The following SSTR4 variants were observed in gnomAD, a reference collection of about 807,000 sequenced individuals.
SSTR4 encodes the protein somatostatin receptor type 4.
For missense variants in SSTR4, 649 were observed against 540.6 expected (o/e 1.20, Z -1.99); for synonymous variants, 272 against 246.3 (o/e 1.10, Z -0.98).
chr20:23,035,472 G>T lies in SSTR4; in HGVS notation c.-12G>T, dbSNP rs1310334127. 4 of 1,465,722 alleles carry T rather than the reference G, an allele frequency of 2.7e-6. No homozygotes were observed. The African/African-American group carries it at 5.9e-5, about 22-fold the overall frequency. 90.8% of individuals were successfully genotyped at this position (1,465,722 alleles called of 1,614,324 possible). A position where few individuals can be genotyped will look rare whatever the true frequency, so the allele number is the denominator to read the frequency against. On this transcript the variant is annotated 5_prime_UTR_variant, in exon 1 of 1. Coordinates refer to ENST00000255008, the MANE Select transcript of SSTR4 (RefSeq NM_001052.4). ...CGCCGCGCTCAGCTGCCCTGCGCCG[G>T]CACCCCTGGTCATGAGCGCCCCCTC...
rs773738594 is a variant in SSTR4 at position 23,036,654 on chromosome 20, G to A, written c.*4G>A. On this transcript the variant is annotated 3_prime_UTR_variant, in exon 1 of 1. Transcript: ENST00000255008. ...CACCAGGACCACCACCTTCTGAGGA[G>A]CCCTTCCCCTACCCACCCTGCGTGG... The A allele has an allele frequency of 1.3e-6, 2 of 1,535,318 alleles. No homozygotes were observed. Among genetic ancestry groups the A allele is most frequent in the Non-Finnish European group, 1.8e-6 (2 of 1,142,718 alleles).
chr20:23,037,937 C>T lies in SSTR4; in HGVS notation c.*1287C>T, dbSNP rs1984371951. ...GACAGCCAAAGGTCAACACCCTATGCCCTTCAGAGTGGTCAGCCTCACAGA... is the reference window on the plus strand; with the variant it reads ...GACAGCCAAAGGTCAACACCCTATGTCCTTCAGAGTGGTCAGCCTCACAGA... On this transcript the variant is annotated 3_prime_UTR_variant, in exon 1 of 1. Transcript: ENST00000255008. 6.6e-6 allele frequency among the ~76,000 whole-genome samples: 1 copy of T among 152,112 alleles called. No individual in the cohort carries two copies. Among genetic ancestry groups the T allele is most frequent in the Non-Finnish European group, 1.5e-5 (1 of 68,024 alleles).
chr20:23,036,304 C>T lies in SSTR4; in HGVS notation c.821C>T (p.Pro274Leu). 6.2e-7 allele frequency: 1 copy of T among 1,614,156 alleles called. No individual in the cohort carries two copies. Among genetic ancestry groups the T allele is most frequent in the Non-Finnish European group, 8.5e-7 (1 of 1,180,018 alleles). Reference protein sequence around the residue: ...VVVVFVLCWMPFYVVQLLNLF... With the variant: ...VVVVFVLCWMLFYVVQLLNLF... The stretch of plus-strand genomic sequence containing the variant: ...GTCGTCTTTGTGCTCTGCTGGATGC[C>T]TTTCTACGTGGTGCAGCTGCTGAAC... Residue 274 changes from proline to leucine, a missense_variant, in exon 1 of 1, where the codon CCT becomes CTT. By Grantham distance (98) the Pro-to-Leu change is moderately conservative. Coordinates refer to ENST00000255008, the MANE Select transcript of SSTR4 (RefSeq NM_001052.4).
rs1184339639 is a variant in SSTR4, at chr20:23,036,265, T to A, written c.782T>A (p.Val261Glu). 2 of 1,614,194 alleles carry A rather than the reference T, an allele frequency of 1.2e-6. No homozygotes were observed. The highest frequency in any genetic ancestry group is 2.2e-5 in the South Asian group (2 of 91,082). ...RRSEKKITRLVLMVVVVFVLC... is the reference protein window; with the variant it reads ...RRSEKKITRLELMVVVVFVLC... ...TCGGAGAAGAAAATCACCAGGCTGG[T>A]GCTGATGGTCGTGGTCGTCTTTGTG... is the stretch of plus-strand genomic sequence containing the variant. The change falls in exon 1 of 1, where the codon GTG becomes GAG. Residue 261 changes from valine (V) to glutamate (E), a missense_variant. Coordinates refer to ENST00000255008, the MANE Select transcript of SSTR4 (RefSeq NM_001052.4).
Position 23,035,522 on chromosome 20 carries a change from A to T in SSTR4, c.39A>T (p.Glu13Asp). The T allele has an allele frequency of 6.4e-7, 1 of 1,573,252 alleles. No individual in the cohort carries two copies. The highest frequency in any genetic ancestry group is 8.6e-7 in the Non-Finnish European group (1 of 1,164,592). The change falls in exon 1 of 1, where the codon GAA becomes GAT. Residue 13 changes from glutamate to aspartate, a missense_variant. Transcript: ENST00000255008. ...APSTLPPGGEEGLGTAWPSAA... is the reference protein window; with the variant it reads ...APSTLPPGGEDGLGTAWPSAA... ...CGACGCTGCCCCCCGGGGGCGAGGA[A>T]GGGCTGGGGACGGCCTGGCCCTCTG... is the stretch of plus-strand genomic sequence containing the variant.
In SSTR4 at chr20:23,035,795, C is replaced by A. The variant is rs1043802997; in HGVS notation, c.312C>A (p.Ala104=). 3 of 1,593,364 alleles carry A rather than the reference C, an allele frequency of 1.9e-6. No homozygotes were observed. Among genetic ancestry groups the A allele is most frequent in the Non-Finnish European group, 2.6e-6 (3 of 1,168,918 alleles). The change falls in exon 1 of 1, where the codon GCC becomes GCA. Residue 104 remains alanine, a synonymous_variant. Transcript: ENST00000255008. ...ELFMLSVPFV[A]SSAALRHWPF... The stretch of plus-strand genomic sequence containing the variant: ...TCATGCTGAGCGTGCCCTTCGTGGC[C>A]TCGTCGGCCGCCCTGCGCCACTGGC...
At position 23,036,141 on chromosome 20, in the gene SSTR4, T is replaced by C. The variant is rs750197512; in HGVS notation, c.658T>C (p.Phe220Leu). The change falls in exon 1 of 1, where the codon TTC (phenylalanine) becomes CTC (leucine). Residue 220 changes from phenylalanine (F) to leucine (L), a missense_variant. Physicochemically the swap from Phe to Leu is conservative, Grantham distance 22. Transcript: ENST00000255008. ...CGTGGTCTACACTTTCCTGCTGGGC[T>C]TCCTGCTGCCCGTGCTGGCCATTGG... is the stretch of plus-strand genomic sequence containing the variant. ...VFVVYTFLLG[F>L]LLPVLAIGLC... 13 of 1,607,342 alleles carry C rather than the reference T, an allele frequency of 8.1e-6. No homozygotes were observed. Among genetic ancestry groups the C allele is most frequent in the Non-Finnish European group, 1.1e-5 (13 of 1,179,762 alleles).
chr20:23,038,735 C>T lies in SSTR4; in HGVS notation c.*2085C>T, dbSNP rs568684117. On this transcript the variant is annotated 3_prime_UTR_variant, in exon 1 of 1. Transcript: ENST00000255008. ...CATTGGCAGAGACACCGTGGAGACA[C>T]GCGAATCAAATGGTGGGAGGGCAGG... Among the ~76,000 whole-genome samples, 13 of 152,174 alleles carry T rather than the reference C, an allele frequency of 8.5e-5. No individual in the cohort carries two copies. The highest frequency in any genetic ancestry group is 1.2e-4 in the Non-Finnish European group (8 of 68,040).
rs948828488 is a variant in SSTR4, at chr20:23,038,847, C to T, written c.*2197C>T. 1 of 152,394 alleles carries T rather than the reference C, an allele frequency of 6.6e-6. No individual in the cohort carries two copies. The highest frequency in any genetic ancestry group is 1.9e-4 in the East Asian group (1 of 5,176). The allele number at this position is 152,394 out of a possible 1,614,324, so 9.4% of individuals were successfully genotyped here. A position where few individuals can be genotyped will look rare whatever the true frequency, so the allele number is the denominator to read the frequency against. On this transcript the variant is annotated 3_prime_UTR_variant, in exon 1 of 1. Transcript: ENST00000255008. ...TGCCCTTGACCCTGCAGTCATAAGT[C>T]ATGCAGGTGGTGGCGGGGTGGGGGT...
rs777175725 is a variant in SSTR4 at position 23,035,978 on chromosome 20, C to T, written c.495C>T (p.Leu165=). 3 of 1,605,418 alleles carry T rather than the reference C, an allele frequency of 1.9e-6. No homozygotes were observed. Among genetic ancestry groups the T allele is most frequent in the Admixed American group, 1.7e-5 (1 of 59,644 alleles). ...ACCGGCGGCCCAGCGTGGCCAAGCT[C>T]ATCAACCTGGGCGTGTGGCTGGCAT... The part of the protein sequence containing the change: ...ATYRRPSVAK[L]INLGVWLASL... The change falls in exon 1 of 1, where the codon CTC becomes CTT. Residue 165 remains leucine, a synonymous_variant. Transcript: ENST00000255008.
In SSTR4 at chr20:23,036,012, G is replaced by T. The variant is rs1401942335; in HGVS notation, c.529G>T (p.Val177Phe). ...NLGVWLASLL[V>F]TLPIAIFADT... ...GGGCGTGTGGCTGGCATCCCTGTTG[G>T]TCACTCTCCCCATCGCCATCTTCGC... Residue 177 changes from valine (V) to phenylalanine (F), a missense_variant, in exon 1 of 1, where the codon GTC (valine) becomes TTC (phenylalanine). Transcript: ENST00000255008. 1 of 1,594,626 alleles carries T rather than the reference G, an allele frequency of 6.3e-7. No individual in the cohort carries two copies. The highest frequency in any genetic ancestry group is 8.5e-7 in the Non-Finnish European group (1 of 1,175,050).
chr20:23,035,766 C>T lies in SSTR4; in HGVS notation c.283C>T (p.Leu95Phe), dbSNP rs1984290016. ...YLLNLAVADE[L>F]FMLSVPFVAS... ...GCTCAACCTGGCCGTAGCCGACGAG[C>T]TCTTCATGCTGAGCGTGCCCTTCGT... is the stretch of plus-strand genomic sequence containing the variant. Residue 95 changes from leucine to phenylalanine, a missense_variant, in exon 1 of 1, where the codon CTC (leucine) becomes TTC (phenylalanine). By Grantham distance (22) the Leu-to-Phe change is conservative (BLOSUM62 0). Coordinates refer to ENST00000255008, the MANE Select transcript of SSTR4 (RefSeq NM_001052.4). 14 of 1,593,550 alleles carry T rather than the reference C, an allele frequency of 8.8e-6. No homozygotes were observed. The highest frequency in any genetic ancestry group is 2.3e-5 in the South Asian group (2 of 88,088).
rs774136677 is a variant in SSTR4 at position 23,035,596 on chromosome 20, G to A, written c.113G>A (p.Gly38Glu). The stretch of plus-strand genomic sequence containing the variant: ...GCGGAGGCGGAGGAGGCGGTGGCGG[G>A]GCCCGGGGACGCGCGGGCGGCGGGC... The part of the protein sequence containing the change: ...APAEAEEAVA[G>E]PGDARAAGMV... The change falls in exon 1 of 1, where the codon GGG becomes GAG. Residue 38 changes from glycine (G) to glutamate (E), a missense_variant. Physicochemically the swap from Gly to Glu is moderately conservative, Grantham distance 98. Coordinates refer to ENST00000255008, the MANE Select transcript of SSTR4 (RefSeq NM_001052.4). The A allele has an allele frequency of 6.4e-7, 1 of 1,558,874 alleles. No individual in the cohort carries two copies. The highest frequency in any genetic ancestry group is 8.6e-7 in the Non-Finnish European group (1 of 1,157,324).
rs1984338824 is a variant in SSTR4, at chr20:23,036,700, A to G, written c.*50A>G. 2 of 1,511,040 alleles carry G rather than the reference A, an allele frequency of 1.3e-6. No individual in the cohort carries two copies. Among genetic ancestry groups the G allele is most frequent in the South Asian group, 2.7e-5 (2 of 75,078 alleles). 93.6% of individuals were successfully genotyped at this position (1,511,040 alleles called of 1,614,324 possible). ...CGTGGCCACCTCCCAAGGGGTGGGC[A>G]CCATTCCTACAGCCCCGAAGACTGC... is the stretch of plus-strand genomic sequence containing the variant. On this transcript the variant is annotated 3_prime_UTR_variant, in exon 1 of 1. Transcript: ENST00000255008.
rs36016048 is a variant in SSTR4, at chr20:23,038,418, T to G, written c.*1768T>G. On this transcript the variant is annotated 3_prime_UTR_variant, in exon 1 of 1. Coordinates refer to ENST00000255008, the MANE Select transcript of SSTR4 (RefSeq NM_001052.4). ...TGATCAGACTGGGCAAACTCTCTGA[T>G]AAGCAAGACAGGGCACCTACCAGGA... The G allele has an allele frequency of 0.33, 50,178 of 151,978 alleles. 8,554 individuals are homozygous for G. Among genetic ancestry groups the G allele is most frequent in the Middle Eastern group, 0.48 (140 of 292 alleles). 9.4% of individuals were successfully genotyped at this position (151,978 alleles called of 1,614,324 possible). A position where few individuals can be genotyped will look rare whatever the true frequency, so the allele number is the denominator to read the frequency against.
Position 23,039,072 on chromosome 20 carries a change from T to C in SSTR4, c.*2422T>C, listed in dbSNP as rs1204680245. 1.3e-5 allele frequency: 2 copies of C among 152,200 alleles called. No homozygotes were observed. The highest frequency in any genetic ancestry group is 2.9e-5 in the Non-Finnish European group (2 of 68,028). 9.4% of individuals were successfully genotyped at this position (152,200 alleles called of 1,614,324 possible). Reference sequence around the variant, plus strand: ...CCCTTGTAGTTTGTGTACAGAAGACTGCAATGAATTGAAGTCATGAGACAT... The same window carrying C: ...CCCTTGTAGTTTGTGTACAGAAGACCGCAATGAATTGAAGTCATGAGACAT... On this transcript the variant is annotated 3_prime_UTR_variant, in exon 1 of 1. Transcript: ENST00000255008.
chr20:23,036,281 C>T lies in SSTR4; in HGVS notation c.798C>T (p.Val266=), dbSNP rs1377665434. Residue 266 remains valine (V), a synonymous_variant, in exon 1 of 1, where the codon GTC becomes GTT. Coordinates refer to ENST00000255008, the MANE Select transcript of SSTR4 (RefSeq NM_001052.4). ...CCAGGCTGGTGCTGATGGTCGTGGT[C>T]GTCTTTGTGCTCTGCTGGATGCCTT... The part of the protein sequence containing the change: ...KITRLVLMVV[V]VFVLCWMPFY... 2.5e-6 allele frequency: 4 copies of T among 1,614,018 alleles called. No individual in the cohort carries two copies. The highest frequency in any genetic ancestry group is 1.3e-5 in the African/African-American group (1 of 74,914).
At position 23,038,770 on chromosome 20, in the gene SSTR4, G is replaced by A. The variant is rs950676333; in HGVS notation, c.*2120G>A. ...ATGGTGGGAGGGCAGGAGATAGCACGCTTCTCTGCTTAGTCCTCCTTCCAT... is the reference window on the plus strand; with the variant it reads ...ATGGTGGGAGGGCAGGAGATAGCACACTTCTCTGCTTAGTCCTCCTTCCAT... On this transcript the variant is annotated 3_prime_UTR_variant, in exon 1 of 1. Coordinates refer to ENST00000255008, the MANE Select transcript of SSTR4 (RefSeq NM_001052.4). 1.3e-4 allele frequency among the ~76,000 whole-genome samples: 20 copies of A among 152,236 alleles called. No individual in the cohort carries two copies. Among genetic ancestry groups the A allele is most frequent in the African/African-American group, 3.6e-4 (15 of 41,460 alleles).
chr20:23,036,568 C>T lies in SSTR4; in HGVS notation c.1085C>T (p.Pro362Leu), dbSNP rs1371577046. 5 of 1,606,456 alleles carry T rather than the reference C, an allele frequency of 3.1e-6. No homozygotes were observed. The highest frequency in any genetic ancestry group is 4.2e-6 in the Non-Finnish European group (5 of 1,176,720). The change falls in exon 1 of 1, where the codon CCC (proline) becomes CTC (leucine). Residue 362 changes from proline (P) to leucine (L), a missense_variant. By Grantham distance (98) the Pro-to-Leu change is moderately conservative. Coordinates refer to ENST00000255008, the MANE Select transcript of SSTR4 (RefSeq NM_001052.4). ...AAAGGTGGGGCAGGGTGCATGTGCCCCCCACTCCCCTGCCAGCAGGAAGCC... is the reference window on the plus strand; with the variant it reads ...AAAGGTGGGGCAGGGTGCATGTGCCTCCCACTCCCCTGCCAGCAGGAAGCC... ...KSKGGAGCMCPPLPCQQEALQ... is the reference protein window; with the variant it reads ...KSKGGAGCMCLPLPCQQEALQ...
Sources: gnomAD v4.1 joint callset for allele counts (sites outside exome capture counted in the v4.1 genomes callset) on GRCh38, gnomAD v4.1.1 for gene constraint, MANE v1.5 for transcripts, NCBI Gene and HGNC (gene_info 2026-07-23, HGNC 2026-07-21) for gene names.